The following ABCA10 variants were observed in gnomAD, a reference collection of about 807,000 sequenced individuals.
ABCA10 encodes ATP-binding cassette sub-family A member 10.
In ABCA10, 169 loss-of-function variants were observed where a neutral mutation model predicts 187.5. The observed-to-expected ratio is 0.90, with a 90% confidence interval of 0.80 to 1.02. The LOEUF (loss-of-function observed/expected upper bound fraction) is 1.02. ABCA10 is among the 50% of genes least tolerant of loss of function. The pLI is 0.00. For synonymous variants in ABCA10, 574 were observed against 601.8 expected (o/e 0.95, Z 0.68); for missense variants, 1,727 against 1,812.4 (o/e 0.95, Z 0.86).
chr17:69,242,511 C>T (rs1369347312), intron 1 of ABCA10, among the ~76,000 whole-genome samples: 2 of 152,218 alleles, frequency 1.3e-5, no homozygotes, highest in Admixed American at 6.5e-5. Context: ...GCCGCCCAGG[C>T]TGGAGTGCAG....
intron 37 of ABCA10, 69 bp from the exon 38 acceptor site, chr17:69,149,157 A>G: frequency 1.3e-6 from 2 of 1,525,194 alleles, no homozygotes; most frequent in Non-Finnish European, 1.8e-6. Flanking sequence ...GTCATACAAT[A>G]GAGACAGTAG....
rs780761402 is a variant in ABCA10 at position 69,234,278 on chromosome 17, C to G, written c.-592-5418G>C. 6.6e-5 allele frequency: 10 copies of G among 152,198 alleles called. No individual in the cohort carries two copies. The East Asian group carries it at 1.7e-3, about 26-fold the overall frequency. 9.4% of individuals were successfully genotyped at this position (152,198 alleles called of 1,614,324 possible). ...GTCTCACTCTAGGTCCTTGTGTGAG[C>G]AGTTCTGAGCTGGGACTTTAGCAGA... On this transcript the variant is annotated intron_variant, in intron 1 of 39. Coordinates refer to the ABCA10 transcript ENST00000269081.
intron 16 of ABCA10, 73 bp downstream of exon 16, chr17:69,192,489 TC>T (rs2074468118): frequency 1.5e-6 from 2 of 1,329,046 alleles, no homozygotes; most frequent in Non-Finnish European, 2.1e-6. Flanking sequence ...TTCTTATATT[TC>T]TAAAGGCTTC....
chr17:69,196,356 T>C, intron 11 of ABCA10: 1 of 166,154 alleles, frequency 6.0e-6, no homozygotes, highest in South Asian at 1.2e-4. Context: ...GCAGAGACAC[T>C]CCTCAGTTCC....
chr17:69,154,418 G>A, intron 30 of ABCA10, 92 bp from the exon 31 acceptor site: 1 of 639,214 alleles, frequency 1.6e-6, no homozygotes, highest in Non-Finnish European at 2.4e-6. Context: ...GAAACAAAAT[G>A]ACTTTTTTTT....
chr17:69,182,131 A>G (rs1159202421), intron 22 of ABCA10, 22 bp downstream of exon 22: 28 of 1,542,578 alleles, frequency 1.8e-5, no homozygotes, highest in Non-Finnish European at 2.1e-5. Context: ...TGCCTCTTAT[A>G]TAAGTCGAAT....
chr17:69,204,128 A>G (rs530916136), intron 9 of ABCA10, among the ~76,000 whole-genome samples: 1 of 152,312 alleles, frequency 6.6e-6, no homozygotes, highest in East Asian at 1.9e-4. Context: ...GGATCTTTAC[A>G]TGCTATATTG....
chr17:69,219,097 T>C (rs1385481974), intron 6 of ABCA10, among the ~76,000 whole-genome samples: 1 of 152,084 alleles, frequency 6.6e-6, no homozygotes, highest in Non-Finnish European at 1.5e-5. Flanking sequence ...CTTGCCCCCT[T>C]GTGTTTCTGT....
rs910985832 is a variant in ABCA10 at position 69,164,005 on chromosome 17, C to T, written c.3363+69G>A. ...TTTAAGACATTTAAATTTGGCATAC[C>T]TTGAATAAGATTTCACGGGGCTATG... is the stretch of plus-strand genomic sequence containing the variant. On this transcript the variant is annotated intron_variant, in intron 27 of 38. Transcript: ENST00000690296. The T allele has an allele frequency of 1.4e-5, 18 of 1,267,932 alleles. No individual in the cohort carries two copies. In the East Asian group the frequency reaches 4.4e-4, roughly 31 times the overall value. The allele number at this position is 1,267,932 out of a possible 1,614,324, so 78.5% of individuals were successfully genotyped here. A position where few individuals can be genotyped will look rare whatever the true frequency, so the allele number is the denominator to read the frequency against.
intron 22 of ABCA10, among the ~76,000 whole-genome samples, chr17:69,179,558 C>T (rs1049269491): frequency 6.6e-6 from 1 of 152,114 alleles, no homozygotes; most frequent in African/African-American, 2.4e-5. Flanking sequence ...TTTACTCCAC[C>T]TAAGGATTAA....
chr17:69,192,555 A>C lies in ABCA10; in HGVS notation c.1871+8T>G, dbSNP rs780077597. 6.2e-7 allele frequency: 1 copy of C among 1,601,750 alleles called. No homozygotes were observed. The highest frequency in any genetic ancestry group is 1.1e-5 in the South Asian group (1 of 90,584). On this transcript the variant is annotated splice_region_variant and intron_variant, in intron 16 of 38. Coordinates refer to ENST00000690296, the MANE Select transcript of ABCA10 (RefSeq NM_001377321.1). ...TCATTTAAAAATAACTACACCTAGA[A>C]TACATACCTTAAATGATATCCAATA...
At position 69,193,393 on chromosome 17, in the gene ABCA10, T is replaced by A. The variant is rs1251183730; in HGVS notation, c.1641+100A>T. The A allele has an allele frequency of 4.7e-6, 7 of 1,503,884 alleles. No homozygotes were observed. In the African/African-American group the frequency reaches 7.1e-5, roughly 15 times the overall value. The allele number at this position is 1,503,884 out of a possible 1,614,324, so 93.2% of individuals were successfully genotyped here. On this transcript the variant is annotated intron_variant, in intron 14 of 38. Coordinates refer to ENST00000690296, the MANE Select transcript of ABCA10 (RefSeq NM_001377321.1). ...AGCTTGCATGGTACTTTATTATAAA[T>A]TTTCCCTCACATTTGGTAATTACAG...
rs185243566 is a variant in ABCA10, at chr17:69,193,649, T to G, written c.1522-37A>C. On this transcript the variant is annotated intron_variant, in intron 13 of 38. Coordinates refer to ENST00000690296, the MANE Select transcript of ABCA10 (RefSeq NM_001377321.1). ...AACTCTGTGTTAACAATATCAAATA[T>G]TTTACTTTAAGGAGTTTTTACTCTC... 22 of 1,567,124 alleles carry G rather than the reference T, an allele frequency of 1.4e-5. No homozygotes were observed. In the African/African-American group the frequency reaches 2.1e-4, roughly 15 times the overall value.
chr17:69,241,228 T>C (rs1211830920), intron 1 of ABCA10, among the ~76,000 whole-genome samples: 1 of 152,170 alleles, frequency 6.6e-6, no homozygotes, highest in Non-Finnish European at 1.5e-5. Flanking sequence ...AGCCCTTGTG[T>C]CATTGACTCC....
chr17:69,149,811 A>G (rs1390807894), intron 37 of ABCA10, among the ~76,000 whole-genome samples, 173 bp downstream of exon 37: 1 of 152,130 alleles, frequency 6.6e-6, no homozygotes, highest in Non-Finnish European at 1.5e-5. Flanking sequence ...GGAACAAACC[A>G]ACATCTAGGA....
At chr17:69,234,445 A>G (rs7222780) in intron 1 of ABCA10, 118,744 of 152,208 alleles carry the variant, frequency 0.78, 46,864 homozygotes, top group African/African-American at 0.83. Context: ...AGACCAAATG[A>G]GTTTTTAGCC....
chr17:69,197,078 A>G lies in ABCA10; in HGVS notation c.1220T>C (p.Val407Ala), dbSNP rs753881525. The change falls in exon 11 of 39, where the codon GTA becomes GCA. Residue 407 changes from valine to alanine, a missense_variant. Physicochemically the swap from Val to Ala is moderately conservative, Grantham distance 64. Coordinates refer to ENST00000690296, the MANE Select transcript of ABCA10 (RefSeq NM_001377321.1). ...TTTCTTTTTACCTTGCAATGCTTCT[A>G]CTTTTCCAGTCTTTCCATTATATTC... ...IKEYNGKTGK[V>A]EALQGIFFDI... 26 of 1,591,410 alleles carry G rather than the reference A, an allele frequency of 1.6e-5. No homozygotes were observed. The highest frequency in any genetic ancestry group is 2.1e-5 in the Non-Finnish European group (25 of 1,165,032).
intron 8 of ABCA10, 51 bp from the exon 9 acceptor site, chr17:69,214,902 T>C: frequency 7.4e-7 from 1 of 1,350,822 alleles, no homozygotes; most frequent in Non-Finnish European, 9.9e-7. Context: ...TAAAACTAAA[T>C]AAAACAATTT....
At chr17:69,171,816 C>T (rs58761646) in intron 25 of ABCA10, among the ~76,000 whole-genome samples, 11,060 of 150,574 alleles carry the variant, frequency 0.073, 535 homozygotes, top group Admixed American at 0.16. Context: ...CCTAGAAATG[C>T]ATAAGCAGCT....
Sources: allele counts gnomAD v4.1 joint callset (sites outside exome capture counted in the v4.1 genomes callset), GRCh38; gene constraint gnomAD v4.1.1; transcripts MANE v1.5; gene names NCBI Gene and HGNC (gene_info 2026-07-23, HGNC 2026-07-21).